The following CDH7 variants were observed in gnomAD, a reference collection of about 807,000 sequenced individuals.
CDH7 encodes cadherin 7, also known as cadherin-7.
A neutral mutation model predicts 71.8 loss-of-function variants in CDH7; 25 were observed. The ratio of observed to expected loss-of-function variants is 0.35; its 90% confidence interval spans 0.25 to 0.49. The LOEUF (loss-of-function observed/expected upper bound fraction) is 0.49, where lower values mean the gene tolerates loss of function less well. CDH7 is among the 20% of genes least tolerant of loss of function. The pLI, the probability that CDH7 is intolerant of heterozygous loss-of-function variation, is 0.99. For synonymous variants in CDH7, 381 were observed against 363.8 expected, an observed-to-expected ratio of 1.05 and a Z score of -0.54; for missense variants, 862 against 974.6, an observed-to-expected ratio of 0.88 and a Z score of 1.54.
At chr18:65,845,268 G>GTT (rs1912896888) in intron 7 of CDH7, among the ~76,000 whole-genome samples, 1 of 149,664 alleles carries the variant, frequency 6.7e-6, no homozygotes, top group South Asian at 2.1e-4. Context: ...TAGAAAAATA[G>GTT]TTATTTAAAA....
rs113570688 is a variant in CDH7, at chr18:65,853,253, A to G, written c.1236-4563A>G. Among the ~76,000 whole-genome samples the G allele has an allele frequency of 7.4e-4, 113 of 152,238 alleles. 1 individual carries two copies. Among genetic ancestry groups the G allele is most frequent in the Middle Eastern group, 3.4e-3 (1 of 294 alleles). On this transcript the variant is annotated intron_variant, in intron 7 of 11. Coordinates refer to ENST00000397968, the MANE Select transcript of CDH7 (RefSeq NM_004361.5). ...AGTTAGTGGTGGTTCATGACTAGGA[A>G]ATCACCCATCCTCACACTTCTAGTT...
At position 65,887,349 on chromosome 18, in the gene CDH7, C is replaced by G. The variant is rs1171407296; in HGVS notation, c.*6455C>G. On this transcript the variant is annotated 3_prime_UTR_variant, in exon 12 of 12. Coordinates refer to ENST00000397968, the MANE Select transcript of CDH7 (RefSeq NM_004361.5). Reference sequence around the variant, plus strand: ...GTTACATATGTATACATGTGCCATGCTGGTGTGCGGCACCCATTAACTCGT... The same window carrying G: ...GTTACATATGTATACATGTGCCATGGTGGTGTGCGGCACCCATTAACTCGT... 2.6e-5 allele frequency: 4 copies of G among 151,914 alleles called. No individual in the cohort carries two copies. The South Asian group carries it at 8.3e-4, about 32-fold the overall frequency. 9.4% of individuals were successfully genotyped at this position (151,914 alleles called of 1,614,324 possible).
At chr18:65,840,542 G>T (rs1912692569) in intron 6 of CDH7, among the ~76,000 whole-genome samples, 1 of 152,136 alleles carries the variant, frequency 6.6e-6, no homozygotes, top group Admixed American at 6.6e-5. Flanking sequence ...AGGAACCAGT[G>T]GGAGATAATT....
intron 1 of CDH7, among the ~76,000 whole-genome samples, chr18:65,758,786 G>A (rs188483206): frequency 1.1e-3 from 171 of 152,194 alleles, no homozygotes; most frequent in Non-Finnish European, 1.9e-3. Context: ...CTTGTTATAC[G>A]GTTAACTTTT....
chr18:65,844,174 GAT>G lies in CDH7; in HGVS notation c.1235+122_1235+123del, dbSNP rs1555688432. 1.6e-4 allele frequency: 36 copies of G among 227,960 alleles called. 4 individuals carry two copies. The highest frequency in any genetic ancestry group is 1.3e-3 in the Middle Eastern group (1 of 790). The allele number at this position is 227,960 out of a possible 1,614,324, so 14.1% of individuals were successfully genotyped here. ...CTTTGTTCATAACAAATAAAAACCA[GAT>G]ATATATATATATCGAGTTATAACAG... On this transcript the variant is annotated intron_variant, in intron 7 of 11. Transcript: ENST00000397968.
At chr18:65,832,932 A>C (rs1425889700) in intron 6 of CDH7, among the ~76,000 whole-genome samples, 2 of 152,198 alleles carry the variant, frequency 1.3e-5, no homozygotes, top group South Asian at 4.2e-4. Flanking sequence ...CTATAGAGTA[A>C]AAAAAATGAG....
chr18:65,800,286 A>G (rs887061986), intron 2 of CDH7, among the ~76,000 whole-genome samples: 3 of 152,054 alleles, frequency 2.0e-5, no homozygotes, highest in South Asian at 2.1e-4. Context: ...TCACCATGTT[A>G]GCCAGGATGG....
intron 2 of CDH7, among the ~76,000 whole-genome samples, chr18:65,781,830 CTT>C (rs1244787318): frequency 4.9e-5 from 4 of 81,944 alleles, no homozygotes; most frequent in African/African-American, 9.5e-5. Flanking sequence ...TTCTTTCTTT[CTT>C]TCTTTCTTTC....
chr18:65,865,065 C>T (rs543367192), intron 11 of CDH7, among the ~76,000 whole-genome samples: 1 of 151,970 alleles, frequency 6.6e-6, no homozygotes, highest in Non-Finnish European at 1.5e-5. Context: ...AGATTGTATT[C>T]CCCAAATTTT....
intron 7 of CDH7, among the ~76,000 whole-genome samples, chr18:65,855,144 A>G (rs1913306421): frequency 6.6e-6 from 1 of 152,014 alleles, no homozygotes; most frequent in South Asian, 2.1e-4. Context: ...GTTTACCATT[A>G]TTTTCTCTCT....
intron 6 of CDH7, among the ~76,000 whole-genome samples, chr18:65,842,841 TTCCTGTAAAG>T (rs1568214826): frequency 7.1e-5 from 6 of 84,204 alleles, no homozygotes; most frequent in African/African-American, 1.7e-4. Context: ...TTTTTCAGTA[TTCCTGTAAAG>T]TTTTTTTTTT....
chr18:65,782,448 T>C (rs923565816), intron 2 of CDH7, among the ~76,000 whole-genome samples: 48 of 152,152 alleles, frequency 3.2e-4, no homozygotes, highest in African/African-American at 1.1e-3. Flanking sequence ...ATGAGGCACC[T>C]CACTCAGCCG....
At chr18:65,844,794 A>T (rs1912877143) in intron 7 of CDH7, among the ~76,000 whole-genome samples, 1 of 152,092 alleles carries the variant, frequency 6.6e-6, no homozygotes, top group African/African-American at 2.4e-5. Context: ...AACATTATAA[A>T]TAGAATATAC....
chr18:65,833,964 T>C (rs1310243066), intron 6 of CDH7, among the ~76,000 whole-genome samples: 1 of 152,154 alleles, frequency 6.6e-6, no homozygotes, highest in Admixed American at 6.5e-5. Flanking sequence ...ATCAAAGATG[T>C]TTTCCAGTGA....
rs1031191313 is a variant in CDH7 at position 65,887,918 on chromosome 18, T to A, written c.*7024T>A. 8 of 152,176 alleles carry A rather than the reference T, an allele frequency of 5.3e-5. No individual in the cohort carries two copies. The highest frequency in any genetic ancestry group is 1.9e-4 in the African/African-American group (8 of 41,454). 9.4% of individuals were successfully genotyped at this position (152,176 alleles called of 1,614,324 possible). A position where few individuals can be genotyped will look rare whatever the true frequency, so the allele number is the denominator to read the frequency against. On this transcript the variant is annotated 3_prime_UTR_variant, in exon 12 of 12. Transcript: ENST00000397968. Reference sequence around the variant, plus strand: ...TTATGTTTATGAGATTCCATTATAATTACATTAAAAAGAAAACCACTTTTA... The same window carrying A: ...TTATGTTTATGAGATTCCATTATAAATACATTAAAAAGAAAACCACTTTTA...
chr18:65,846,232 C>T (rs924163396), intron 7 of CDH7, among the ~76,000 whole-genome samples: 1 of 151,980 alleles, frequency 6.6e-6, no homozygotes, highest in Non-Finnish European at 1.5e-5. Flanking sequence ...TTCTCTGAAG[C>T]ACAGAGGTCA....
At chr18:65,838,366 A>G (rs535725702) in intron 6 of CDH7, among the ~76,000 whole-genome samples, 1 of 152,384 alleles carries the variant, frequency 6.6e-6, no homozygotes, top group African/African-American at 2.4e-5. Context: ...TGAAAGCTAC[A>G]AAATATACTT....
chr18:65,882,830 C>G lies in CDH7; in HGVS notation c.*1936C>G, dbSNP rs1005824026. 1 of 152,034 alleles carries G rather than the reference C, an allele frequency of 6.6e-6. No homozygotes were observed. Among genetic ancestry groups the G allele is most frequent in the Non-Finnish European group, 1.5e-5 (1 of 67,946 alleles). 9.4% of individuals were successfully genotyped at this position (152,034 alleles called of 1,614,324 possible). ...AAACAAAAAAACACGCGTATTTACC[C>G]AGTTCAATAAAATCAGAGTGTGGTG... On this transcript the variant is annotated 3_prime_UTR_variant, in exon 12 of 12. Coordinates refer to ENST00000397968, the MANE Select transcript of CDH7 (RefSeq NM_004361.5).
chr18:65,776,415 G>GA, intron 2 of CDH7, among the ~76,000 whole-genome samples: 1 of 150,688 alleles, frequency 6.6e-6, no homozygotes, highest in African/African-American at 2.4e-5. Context: ...GAGAGAGAGA[G>GA]GGAAGAGAGA....
Sources: gnomAD v4.1 joint callset for allele counts (sites outside exome capture counted in the v4.1 genomes callset) on GRCh38, gnomAD v4.1.1 for gene constraint, MANE v1.5 for transcripts, NCBI Gene and HGNC (gene_info 2026-07-23, HGNC 2026-07-21) for gene names.